RIT2: variants seen among roughly 807,000 people sequenced by gnomAD.
The protein encoded by RIT2 is GTP-binding protein Rit2.
A neutral mutation model predicts 23.7 loss-of-function variants in RIT2; 24 were observed. The observed-to-expected ratio is 1.01, with a 90% confidence interval of 0.73 to 1.43. RIT2 has a LOEUF of 1.43. Ranked by LOEUF, RIT2 falls within the 40% of genes most tolerant of loss-of-function variation. The probability of loss-of-function intolerance (pLI) is 0.00; values close to 1 mark genes in which losing one functional copy is unlikely to be tolerated. For synonymous variants in RIT2, 107 were observed against 91.1 expected, an observed-to-expected ratio of 1.17 and a Z score of -0.99; for missense variants, 236 against 266.9, an observed-to-expected ratio of 0.88 and a Z score of 0.81.
chr18:42,881,825 T>C (rs1598697834), intron 4 of RIT2, among the ~76,000 whole-genome samples: 1 of 152,208 alleles, frequency 6.6e-6, no homozygotes, highest in South Asian at 2.1e-4. Context: ...TCCAGAATTA[T>C]ATCTTATTCA....
chr18:43,086,570 T>G (rs750840675), intron 1 of RIT2, among the ~76,000 whole-genome samples: 2 of 152,150 alleles, frequency 1.3e-5, no homozygotes, highest in Non-Finnish European at 2.9e-5. Flanking sequence ...TATGCCCCAC[T>G]GCGGGATTCA....
chr18:42,991,789 C>A (rs1326957908), intron 2 of RIT2, among the ~76,000 whole-genome samples: 1 of 152,028 alleles, frequency 6.6e-6, no homozygotes, highest in Non-Finnish European at 1.5e-5. Context: ...AGAACAACCC[C>A]CCTTTGACTG....
chr18:43,096,102 A>G (rs1182857893), intron 1 of RIT2, among the ~76,000 whole-genome samples: 2 of 151,964 alleles, frequency 1.3e-5, no homozygotes, highest in Admixed American at 1.3e-4. Flanking sequence ...TTGGAGTAGA[A>G]AAAGGAAGGA....
chr18:43,066,810 GC>G (rs58942736), intron 1 of RIT2, among the ~76,000 whole-genome samples: 20,184 of 151,776 alleles, frequency 0.13, 1,803 homozygotes, highest in East Asian at 0.4. Flanking sequence ...ATGAGGTGGA[GC>G]TTTTAAAGAA....
At chr18:42,967,417 T>C (rs1477532109) in intron 3 of RIT2, among the ~76,000 whole-genome samples, 1 of 151,988 alleles carries the variant, frequency 6.6e-6, no homozygotes, top group African/African-American at 2.4e-5. Context: ...TTGCCCAGGC[T>C]GGAGTGCAGT....
chr18:42,939,118 A>G (rs1305492946), intron 3 of RIT2, among the ~76,000 whole-genome samples: 1 of 152,190 alleles, frequency 6.6e-6, no homozygotes, highest in East Asian at 1.9e-4. Flanking sequence ...TTTCAAATAC[A>G]TTTATTGAGA....
chr18:43,044,226 A>C (rs1256724010), intron 1 of RIT2, among the ~76,000 whole-genome samples: 1 of 152,204 alleles, frequency 6.6e-6, no homozygotes, highest in Non-Finnish European at 1.5e-5. Flanking sequence ...TTCTGTACTG[A>C]AAGAATGTTG....
chr18:43,102,411 C>A (rs975734862), intron 1 of RIT2, among the ~76,000 whole-genome samples: 3 of 139,432 alleles, frequency 2.2e-5, no homozygotes, highest in East Asian at 4.1e-4. Context: ...AAAATACTTT[C>A]TTTTCTCCTC....
intron 4 of RIT2, among the ~76,000 whole-genome samples, chr18:42,750,787 A>G (rs1470752028): frequency 2.6e-5 from 4 of 151,844 alleles, no homozygotes; most frequent in Non-Finnish European, 5.9e-5. Flanking sequence ...AAGATAATAA[A>G]TCATTTCAAA....
At chr18:43,004,019 C>T (rs1911170069) in intron 2 of RIT2, among the ~76,000 whole-genome samples, 1 of 151,764 alleles carries the variant, frequency 6.6e-6, no homozygotes. Context: ...TGGGTATGCT[C>T]TGTACTGATT....
At chr18:42,916,908 C>T (rs143589313) in intron 4 of RIT2, among the ~76,000 whole-genome samples, 5 of 152,100 alleles carry the variant, frequency 3.3e-5, no homozygotes, top group Admixed American at 6.6e-5. Flanking sequence ...AGAAGTTGAA[C>T]GTTAATGCAA....
rs567663654 is a variant in RIT2, at chr18:43,051,118, T to A, written c.104-17251A>T. On this transcript the variant is annotated intron_variant, in intron 1 of 4. Transcript: ENST00000326695. ...CAGGCTGAGACTCCAACCTGTAGGA[T>A]CTGACGGTATCTCCAAGTAGATAGT... Among the ~76,000 whole-genome samples, 6 of 152,130 alleles carry A rather than the reference T, an allele frequency of 3.9e-5. No homozygotes were observed. The South Asian group carries it at 1.2e-3, about 32-fold the overall frequency.
At chr18:43,040,972 C>T (rs1352526417) in intron 1 of RIT2, among the ~76,000 whole-genome samples, 1 of 151,866 alleles carries the variant, frequency 6.6e-6, no homozygotes, top group East Asian at 1.9e-4. Flanking sequence ...AAAAACCATA[C>T]TTTTAAAAAT....
intron 1 of RIT2, among the ~76,000 whole-genome samples, chr18:43,037,899 T>C (rs1912017382): frequency 6.6e-6 from 1 of 152,064 alleles, no homozygotes; most frequent in South Asian, 2.1e-4. Context: ...TTTACTAAGT[T>C]ATGTCTTGAA....
chr18:42,985,172 A>G (rs1012834867), intron 2 of RIT2, among the ~76,000 whole-genome samples: 1 of 152,146 alleles, frequency 6.6e-6, no homozygotes, highest in African/African-American at 2.4e-5. Flanking sequence ...GATGCAATTT[A>G]CCATAATATA....
chr18:43,107,732 C>T (rs1296412805), intron 1 of RIT2, among the ~76,000 whole-genome samples: 1 of 152,114 alleles, frequency 6.6e-6, no homozygotes, highest in East Asian at 1.9e-4. Context: ...CACCTCCATG[C>T]TAAATTGTTT....
intron 2 of RIT2, among the ~76,000 whole-genome samples, chr18:42,978,138 G>A (rs919261691): frequency 1.3e-5 from 2 of 151,930 alleles, no homozygotes; most frequent in African/African-American, 4.8e-5. Context: ...CCAGGGGCAC[G>A]CTGAGTAATC....
intron 4 of RIT2, among the ~76,000 whole-genome samples, chr18:42,856,827 C>CT (rs756725926): frequency 0.018 from 2,118 of 114,566 alleles, 76 homozygotes; most frequent in East Asian, 0.056. Context: ...CTCTCTCTCT[C>CT]TTTTTTTTTT....
At chr18:43,086,031 G>A (rs547423240) in intron 1 of RIT2, among the ~76,000 whole-genome samples, 1 of 152,246 alleles carries the variant, frequency 6.6e-6, no homozygotes, top group South Asian at 2.1e-4. Context: ...AAATTACCCA[G>A]TATGTCTTTA....
Sources: gnomAD v4.1 joint callset for allele counts (sites outside exome capture counted in the v4.1 genomes callset) on GRCh38, gnomAD v4.1.1 for gene constraint, MANE v1.5 for transcripts, NCBI Gene and HGNC (gene_info 2026-07-23, HGNC 2026-07-21) for gene names.